The following AGAP1 variants were observed in gnomAD, a reference collection of about 807,000 sequenced individuals.
AGAP1 encodes arf-GAP with GTPase, ANK repeat and PH domain-containing protein 1.
AGAP1 carries 29 observed loss-of-function variants against 105.3 expected under a neutral mutation model. That is an observed-to-expected ratio of 0.28 (90% CI 0.21 to 0.38). The LOEUF is 0.38. Among genes scored for constraint, AGAP1 ranks in the 10% least tolerant of loss-of-function variants. The pLI is 1.00. For synonymous variants in AGAP1, 509 were observed against 485.9 expected, an observed-to-expected ratio of 1.05 and a Z score of -0.63; for missense variants, 998 against 1,165.1, an observed-to-expected ratio of 0.86 and a Z score of 2.09.
intron 3 of AGAP1, among the ~76,000 whole-genome samples, chr2:235,738,039 G>A (rs1952353422): frequency 6.6e-6 from 1 of 152,088 alleles, no homozygotes; most frequent in Non-Finnish European, 1.5e-5. Context: ...CACATGTGGG[G>A]CTCAGGACAC....
Position 235,906,300 on chromosome 2 carries a change from G to C in AGAP1, c.1156-2438G>C, listed in dbSNP as rs2051303530. Among the ~76,000 whole-genome samples the C allele has an allele frequency of 6.6e-6, 1 of 152,194 alleles. No individual in the cohort carries two copies. Among genetic ancestry groups the C allele is most frequent in the Non-Finnish European group, 1.5e-5 (1 of 68,038 alleles). ...AATGCCCGGCCTTGCCCCTGCCTCT[G>C]AATTTGCCCCACTGTAGCACAGTTT... On this transcript the variant is annotated intron_variant, in intron 10 of 17. Transcript: ENST00000304032. The surrounding 1 kb of genome is among the most constrained non-coding windows in gnomAD (Gnocchi z 5.3).
chr2:236,110,908 C>T (rs529457815), intron 16 of AGAP1, among the ~76,000 whole-genome samples: 32 of 152,242 alleles, frequency 2.1e-4, no homozygotes, highest in Admixed American at 5.2e-4. Flanking sequence ...ATAGAGGCAC[C>T]GGCAGATTCG....
At position 235,724,504 on chromosome 2, in the gene AGAP1, C is replaced by G. The variant is rs1951552576; in HGVS notation, c.310+6860C>G. 6.6e-6 allele frequency among the ~76,000 whole-genome samples: 1 copy of G among 152,126 alleles called. No individual in the cohort carries two copies. The highest frequency in any genetic ancestry group is 1.5e-5 in the Non-Finnish European group (1 of 68,028). The stretch of plus-strand genomic sequence containing the variant: ...AAGAGTATGGTCAAGGAGCTCAAGG[C>G]AGCTCTTTCACTCAGGAGCCTGCCA... On this transcript the variant is annotated intron_variant, in intron 3 of 17. Transcript: ENST00000304032. The surrounding 1 kb of genome is among the most constrained non-coding windows in gnomAD (Gnocchi z 4.9).
Position 235,611,062 on chromosome 2 carries a change from C to T in AGAP1, c.164-98117C>T, listed in dbSNP as rs938699749. Among the ~76,000 whole-genome samples, 11 of 152,226 alleles carry T rather than the reference C, an allele frequency of 7.2e-5. No individual in the cohort carries two copies. Among genetic ancestry groups the T allele is most frequent in the Admixed American group, 3.3e-4 (5 of 15,286 alleles). ...AGCCGCCTGCCTGCAACCCCATAGC[C>T]GAGTCAGCTCCCTGGATGGGCTAGT... On this transcript the variant is annotated intron_variant, in intron 1 of 17. Transcript: ENST00000304032. This position sits in a 1 kb window ranked among gnomAD's most constrained non-coding sequence, Gnocchi z 5.0.
rs1487766249 is a variant in AGAP1, at chr2:236,128,086, C to CG, written c.*3964_*3965insG. The stretch of plus-strand genomic sequence containing the variant: ...GGGCACGTTTGCCAACCCCCCCCCC[C>CG]CAGTAGAGCCCAGGACCCTCCTCTC... On this transcript the variant is annotated 3_prime_UTR_variant, in exon 18 of 18. Transcript: ENST00000304032. The surrounding 1 kb of genome is among the most constrained non-coding windows in gnomAD (Gnocchi z 5.9). 18 of 151,752 alleles carry CG rather than the reference C, an allele frequency of 1.2e-4. No homozygotes were observed. The highest frequency in any genetic ancestry group is 3.0e-5 in the Non-Finnish European group (2 of 67,794). The allele number at this position is 151,752 out of a possible 1,614,324, so 9.4% of individuals were successfully genotyped here.
In AGAP1 at chr2:235,793,026, C is replaced by T. The variant is rs773800363; in HGVS notation, c.674-4733C>T. On this transcript the variant is annotated intron_variant, in intron 6 of 17. Transcript: ENST00000304032. This position sits in a 1 kb window ranked among gnomAD's most constrained non-coding sequence, Gnocchi z 5.3. ...GAGGATGAGAAAGAGAAGTTCCAGC[C>T]GGAGGAGGAAAACCAGGGACGTCAG... Among the ~76,000 whole-genome samples the T allele has an allele frequency of 1.3e-4, 20 of 152,168 alleles. No homozygotes were observed. Among genetic ancestry groups the T allele is most frequent in the Middle Eastern group, 3.4e-3 (1 of 294 alleles).
chr2:235,946,419 C>T (rs1416753988), intron 12 of AGAP1, among the ~76,000 whole-genome samples: 2 of 152,002 alleles, frequency 1.3e-5, no homozygotes, highest in Non-Finnish European at 2.9e-5. Context: ...ATCCACCTGC[C>T]TCGGCCTCCC....
At chr2:236,043,164 C>T (rs2057606209) in intron 15 of AGAP1, among the ~76,000 whole-genome samples, 1 of 152,134 alleles carries the variant, frequency 6.6e-6, no homozygotes, top group African/African-American at 2.4e-5. Flanking sequence ...GTACAGTGCC[C>T]ACACTGATGA....
chr2:235,741,737 A>G lies in AGAP1; in HGVS notation c.396+689A>G, dbSNP rs1315476732. Among the ~76,000 whole-genome samples, 3 of 149,546 alleles carry G rather than the reference A, an allele frequency of 2.0e-5. No homozygotes were observed. Among genetic ancestry groups the G allele is most frequent in the East Asian group, 1.9e-4 (1 of 5,146 alleles). On this transcript the variant is annotated intron_variant, in intron 4 of 17. Transcript: ENST00000304032. This position sits in a 1 kb window ranked among gnomAD's most constrained non-coding sequence, Gnocchi z 4.9. ...TATTGTTGTTGTTGTTATTATTATT[A>G]TTGTTATTTTTTATTATTTATTTAT...
chr2:235,631,096 G>A lies in AGAP1; in HGVS notation c.164-78083G>A, dbSNP rs1259652455. On this transcript the variant is annotated intron_variant, in intron 1 of 17. Coordinates refer to ENST00000304032, the MANE Select transcript of AGAP1 (RefSeq NM_001037131.3). The surrounding 1 kb of genome is among the most constrained non-coding windows in gnomAD (Gnocchi z 5.4). ...AGCTCCTTCATATGCAAATGCACTGGTAATGCCTGGATACCAGGGTTACAC... is the reference window on the plus strand; with the variant it reads ...AGCTCCTTCATATGCAAATGCACTGATAATGCCTGGATACCAGGGTTACAC... Among the ~76,000 whole-genome samples, 1 of 152,158 alleles carries A rather than the reference G, an allele frequency of 6.6e-6. No homozygotes were observed. Among genetic ancestry groups the A allele is most frequent in the Non-Finnish European group, 1.5e-5 (1 of 68,042 alleles).
chr2:236,031,057 G>A (rs2057206860), intron 13 of AGAP1, among the ~76,000 whole-genome samples: 1 of 152,182 alleles, frequency 6.6e-6, no homozygotes, highest in African/African-American at 2.4e-5. Flanking sequence ...TCTATGTGAT[G>A]CATGTTAAAT....
intron 13 of AGAP1, among the ~76,000 whole-genome samples, chr2:236,004,755 A>C (rs973864871): frequency 1.3e-5 from 2 of 152,256 alleles, no homozygotes; most frequent in African/African-American, 2.4e-5. Flanking sequence ...CGAGTTGTTA[A>C]GCAGTTTAGT....
chr2:235,645,920 C>G (rs185304403), intron 1 of AGAP1, among the ~76,000 whole-genome samples: 4 of 152,230 alleles, frequency 2.6e-5, no homozygotes, highest in African/African-American at 9.6e-5. Flanking sequence ...TGCTCCATTG[C>G]TACAATTTCC....
chr2:236,010,802 G>A (rs1280559207), intron 13 of AGAP1, among the ~76,000 whole-genome samples: 2 of 152,216 alleles, frequency 1.3e-5, no homozygotes, highest in Non-Finnish European at 2.9e-5. Flanking sequence ...TTGTCTTAGA[G>A]TTTGGGAGTG....
intron 1 of AGAP1, among the ~76,000 whole-genome samples, chr2:235,708,443 G>A (rs1189084740): frequency 6.6e-6 from 1 of 152,182 alleles, no homozygotes; most frequent in Non-Finnish European, 1.5e-5. Flanking sequence ...TCGGGTGGGT[G>A]CACTGTGCAC....
At chr2:236,088,020 T>C (rs965330853) in intron 16 of AGAP1, among the ~76,000 whole-genome samples, 1 of 152,172 alleles carries the variant, frequency 6.6e-6, no homozygotes, top group African/African-American at 2.4e-5. Flanking sequence ...TTGATGGCTA[T>C]CTGGCAGGAC....
chr2:235,575,141 A>G lies in AGAP1; in HGVS notation c.163+80292A>G, dbSNP rs1044960858. Among the ~76,000 whole-genome samples the G allele has an allele frequency of 4.5e-5, 4 of 89,572 alleles. No homozygotes were observed. The African/African-American group carries it at 4.5e-4, about 10-fold the overall frequency. 58.8% of individuals were successfully genotyped at this position (89,572 alleles called of 152,430 possible). On this transcript the variant is annotated intron_variant, in intron 1 of 17. Transcript: ENST00000304032. ...CTGTCTCGAAAAAACAAAAACAACAAACCAAAAAAAAAGGTGACATTGAGA... is the reference window on the plus strand; with the variant it reads ...CTGTCTCGAAAAAACAAAAACAACAGACCAAAAAAAAAGGTGACATTGAGA...
At position 235,714,847 on chromosome 2, in the gene AGAP1, G is replaced by C. The variant is rs76009004; in HGVS notation, c.223-2710G>C. On this transcript the variant is annotated intron_variant, in intron 2 of 17. Coordinates refer to ENST00000304032, the MANE Select transcript of AGAP1 (RefSeq NM_001037131.3). The surrounding 1 kb of genome is among the most constrained non-coding windows in gnomAD (Gnocchi z 4.1). ...AGAGTCTCGCTCTGTCACCCAGGCT[G>C]GAGTCCAGTGGTGTATCTCGGCTCA... Among the ~76,000 whole-genome samples the C allele has an allele frequency of 6.6e-6, 1 of 152,170 alleles. No homozygotes were observed. Among genetic ancestry groups the C allele is most frequent in the Non-Finnish European group, 1.5e-5 (1 of 68,036 alleles).
intron 9 of AGAP1, among the ~76,000 whole-genome samples, chr2:235,825,643 A>C (rs2106313463): frequency 6.6e-6 from 1 of 152,354 alleles, no homozygotes; most frequent in East Asian, 1.9e-4. Flanking sequence ...TAAAAAGCTT[A>C]AGATGGCTAG....
Sources: allele counts gnomAD v4.1 joint callset (sites outside exome capture counted in the v4.1 genomes callset), GRCh38; gene constraint gnomAD v4.1.1; non-coding constraint Gnocchi (gnomAD v3.1); transcripts MANE v1.5; gene names NCBI Gene and HGNC (gene_info 2026-07-23, HGNC 2026-07-21).